NCKAP5: variants seen among roughly 807,000 people sequenced by gnomAD.
The protein encoded by NCKAP5 is nck-associated protein 5.
Under a neutral mutation model 167.0 loss-of-function variants are expected in NCKAP5, and 92 were observed. The observed-to-expected ratio is 0.55, with a 90% CI of 0.47 to 0.66. The LOEUF (loss-of-function observed/expected upper bound fraction) is 0.66, where lower values mean the gene tolerates loss of function less well. Ranked by LOEUF, NCKAP5 falls within the 30% of genes least tolerant of loss-of-function variation. NCKAP5 has a pLI of 0.00. For synonymous variants in NCKAP5, 891 were observed against 877.4 expected (o/e 1.02, Z -0.27); for missense variants, 2,378 against 2,315.0 (o/e 1.03, Z -0.56).
intron 7 of NCKAP5, among the ~76,000 whole-genome samples, chr2:132,980,334 C>T (rs1370599): frequency 0.44 from 66,892 of 151,710 alleles, 16,452 homozygotes; most frequent in Non-Finnish European, 0.56. Flanking sequence ...AATAGGCCTG[C>T]GGAAATTTAA....
chr2:133,004,306 T>C (rs2077886205), intron 6 of NCKAP5, among the ~76,000 whole-genome samples: 1 of 152,224 alleles, frequency 6.6e-6, no homozygotes, highest in African/African-American at 2.4e-5. Context: ...TTTAAATTAA[T>C]GTAATAATTA....
intron 3 of NCKAP5, among the ~76,000 whole-genome samples, chr2:133,465,738 T>C (rs561843830): frequency 6.6e-6 from 1 of 152,232 alleles, no homozygotes; most frequent in Non-Finnish European, 1.5e-5. Flanking sequence ...GTGGTTTTGA[T>C]TTGCATTTCT....
At chr2:132,957,311 C>T (rs923058818) in intron 8 of NCKAP5, among the ~76,000 whole-genome samples, 2 of 152,126 alleles carry the variant, frequency 1.3e-5, no homozygotes, top group African/African-American at 4.8e-5. Flanking sequence ...TCCTTGTATT[C>T]CACATCCAAT....
intron 6 of NCKAP5, among the ~76,000 whole-genome samples, chr2:133,089,538 C>A (rs983472883): frequency 6.6e-6 from 1 of 152,092 alleles, no homozygotes; most frequent in African/African-American, 2.4e-5. Flanking sequence ...GCATAGTCTA[C>A]CAAAATGGTG....
At chr2:133,549,710 T>A (rs1687103427) in intron 2 of NCKAP5, among the ~76,000 whole-genome samples, 1 of 137,464 alleles carries the variant, frequency 7.3e-6, no homozygotes, top group Non-Finnish European at 1.6e-5. Flanking sequence ...GCAAACACAT[T>A]CAAAAGCTAG....
intron 4 of NCKAP5, among the ~76,000 whole-genome samples, chr2:133,229,116 T>C (rs2087024111): frequency 6.6e-6 from 1 of 151,848 alleles, no homozygotes; most frequent in Non-Finnish European, 1.5e-5. Context: ...TCAAGAGAGG[T>C]AAAAGTGTTT....
intron 9 of NCKAP5, among the ~76,000 whole-genome samples, chr2:132,874,172 A>C (rs113526182): frequency 0.027 from 3,740 of 138,876 alleles, 169 homozygotes; most frequent in African/African-American, 0.096. Context: ...GCAGTGGCGC[A>C]ATCTCAGCTC....
intron 6 of NCKAP5, chr2:133,117,683 T>C (rs2082125404): frequency 6.6e-6 from 1 of 152,246 alleles, no homozygotes; most frequent in South Asian, 2.1e-4. Flanking sequence ...GTACACTAAA[T>C]ATATTACTAC....
At chr2:133,468,969 G>A (rs1049469881) in intron 3 of NCKAP5, among the ~76,000 whole-genome samples, 1 of 152,060 alleles carries the variant, frequency 6.6e-6, no homozygotes, top group Non-Finnish European at 1.5e-5. Context: ...GATCCAATTT[G>A]CCAGTCTGTG....
chr2:132,937,776 C>T (rs1696966151), intron 8 of NCKAP5, among the ~76,000 whole-genome samples: 1 of 152,192 alleles, frequency 6.6e-6, no homozygotes, highest in Non-Finnish European at 1.5e-5. Flanking sequence ...GGAATGTAAA[C>T]TATTGGGCTT....
At chr2:133,454,522 A>G (rs1456335114) in intron 3 of NCKAP5, among the ~76,000 whole-genome samples, 2 of 152,116 alleles carry the variant, frequency 1.3e-5, no homozygotes, top group African/African-American at 4.8e-5. Context: ...TCATAGATCA[A>G]ACAACAGACT....
chr2:132,857,350 A>T (rs1424050632), intron 11 of NCKAP5, among the ~76,000 whole-genome samples: 1 of 152,180 alleles, frequency 6.6e-6, no homozygotes, highest in Non-Finnish European at 1.5e-5. Flanking sequence ...TAGTTAGACA[A>T]CTATATTTAA....
rs1278247294 is a variant in NCKAP5 at position 133,458,838 on chromosome 2, T to C, written c.69+58620A>G. Among the ~76,000 whole-genome samples, 4 of 152,254 alleles carry C rather than the reference T, an allele frequency of 2.6e-5. No homozygotes were observed. In the South Asian group the frequency reaches 6.2e-4, roughly 24 times the overall value. The stretch of plus-strand genomic sequence containing the variant: ...TCTGTTTAAATTGTTAAGTTATCAA[T>C]GTTGTCAAATTGAGATGTCAAAATT... On this transcript the variant is annotated intron_variant, in intron 3 of 19. Coordinates refer to ENST00000409261, the MANE Select transcript of NCKAP5 (RefSeq NM_207363.3).
At chr2:132,990,967 G>A (rs986908994) in intron 7 of NCKAP5, among the ~76,000 whole-genome samples, 2 of 152,182 alleles carry the variant, frequency 1.3e-5, no homozygotes, top group Admixed American at 6.5e-5. Flanking sequence ...AATGGAAAGA[G>A]CTCTAGATAG....
At chr2:133,266,201 TC>T (rs1309549309) in intron 4 of NCKAP5, 25 of 152,062 alleles carry the variant, frequency 1.6e-4, no homozygotes, top group African/African-American at 5.8e-4. Flanking sequence ...CCACAGACTG[TC>T]CCCCTTCAGG....
rs1338954347 is a variant in NCKAP5, at chr2:133,566,243, G to T, written c.-130+1973C>A. 7.2e-5 allele frequency among the ~76,000 whole-genome samples: 11 copies of T among 152,224 alleles called. No homozygotes were observed. In the South Asian group the frequency reaches 1.7e-3, roughly 23 times the overall value. ...AGAGAAGGTTCCACTGGAGAGAGGG[G>T]CCCAAAAGAGGAAAAGCAAAGCAAG... On this transcript the variant is annotated intron_variant, in intron 1 of 19. Transcript: ENST00000409261.
At chr2:132,701,736 G>T (rs1009979571) in intron 19 of NCKAP5, among the ~76,000 whole-genome samples, 1 of 152,098 alleles carries the variant, frequency 6.6e-6, no homozygotes, top group Non-Finnish European at 1.5e-5. Flanking sequence ...TACAGGAAAA[G>T]AAACACAAAT....
At chr2:132,683,085 T>C (rs772586538) in intron 19 of NCKAP5, among the ~76,000 whole-genome samples, 5 of 152,036 alleles carry the variant, frequency 3.3e-5, no homozygotes, top group African/African-American at 4.8e-5. Context: ...GGTTTCACCA[T>C]GTTGGCCAGG....
rs546564954 is a variant in NCKAP5, at chr2:133,502,005, T to C, written c.69+15453A>G. Among the ~76,000 whole-genome samples, 3 of 152,374 alleles carry C rather than the reference T, an allele frequency of 2.0e-5. No homozygotes were observed. In the East Asian group the frequency reaches 5.8e-4, roughly 29 times the overall value. On this transcript the variant is annotated intron_variant, in intron 3 of 19. Transcript: ENST00000409261. ...TACTCAACATGTAGTCTTTGCTTTA[T>C]AGGAGCCTCCAGGCTCCGTAGATCC...
Sources: allele counts gnomAD v4.1 joint callset (sites outside exome capture counted in the v4.1 genomes callset), GRCh38; gene constraint gnomAD v4.1.1; transcripts MANE v1.5; gene names NCBI Gene and HGNC (gene_info 2026-07-23, HGNC 2026-07-21).